JAZF1: variants seen among roughly 807,000 people sequenced by gnomAD.
JAZF1 encodes the protein juxtaposed with another zinc finger protein 1.
JAZF1 carries 8 observed loss-of-function variants against 26.4 expected under a neutral mutation model. The observed-to-expected ratio is 0.30, with a 90% CI of 0.18 to 0.55. JAZF1 has a LOEUF of 0.55. Ranked by LOEUF, JAZF1 falls within the 20% of genes least tolerant of loss-of-function variation. The pLI is 0.94. For missense variants in JAZF1, 199 were observed against 322.0 expected (o/e 0.62, Z 2.92); for synonymous variants, 126 against 122.3 (o/e 1.03, Z -0.20).
At chr7:27,846,449 T>C in intron 3 of JAZF1, 1 of 469,856 alleles carries the variant, frequency 2.1e-6, no homozygotes, top group East Asian at 7.0e-5. Flanking sequence ...GGTGCATTCA[T>C]CCACCGATGG....
chr7:27,841,448 G>T (rs2128331500), intron 3 of JAZF1: 1 of 152,584 alleles, frequency 6.6e-6, no homozygotes, highest in East Asian at 1.9e-4. Context: ...ACGCTAGGGA[G>T]CAAGAGGCAT....
intron 2 of JAZF1, among the ~76,000 whole-genome samples, chr7:27,916,361 C>T (rs1416050122): frequency 3.3e-5 from 5 of 151,862 alleles, no homozygotes; most frequent in Admixed American, 2.0e-4. Context: ...TACTAAGTTT[C>T]TTTGAAACCA....
At chr7:28,064,598 T>C (rs975460660) in intron 1 of JAZF1, among the ~76,000 whole-genome samples, 20 of 152,214 alleles carry the variant, frequency 1.3e-4, no homozygotes, top group African/African-American at 4.8e-4. Flanking sequence ...AACACTCAAG[T>C]AGTCAAACAG....
intron 2 of JAZF1, among the ~76,000 whole-genome samples, chr7:27,903,248 G>A (rs6963325): frequency 0.032 from 4,878 of 151,996 alleles, 272 homozygotes; most frequent in African/African-American, 0.11. Context: ...TCACTCTGTC[G>A]CCCAGGCTGG....
chr7:28,109,825 G>T (rs933911962), intron 1 of JAZF1, among the ~76,000 whole-genome samples: 2 of 152,146 alleles, frequency 1.3e-5, no homozygotes, highest in Non-Finnish European at 2.9e-5. Context: ...TCTCCCGAAG[G>T]CCAAACAGGG....
chr7:28,158,752 A>G (rs145256037), intron 1 of JAZF1, among the ~76,000 whole-genome samples: 1 of 152,206 alleles, frequency 6.6e-6, no homozygotes, highest in African/African-American at 2.4e-5. Flanking sequence ...TACCCAAATA[A>G]CTTCTGACTG....
At chr7:28,097,120 A>AC in intron 1 of JAZF1, among the ~76,000 whole-genome samples, 1 of 151,172 alleles carries the variant, frequency 6.6e-6, no homozygotes, top group East Asian at 1.9e-4. Flanking sequence ...ATCACCCCCC[A>AC]CCCCCACTTT....
chr7:27,997,211 C>A (rs1016352588), intron 1 of JAZF1, among the ~76,000 whole-genome samples: 2 of 151,914 alleles, frequency 1.3e-5, no homozygotes, highest in Admixed American at 6.6e-5. Context: ...TCAGGTATGG[C>A]AAAAGGCAAG....
intron 3 of JAZF1, among the ~76,000 whole-genome samples, chr7:27,880,376 T>C (rs982930892): frequency 3.9e-5 from 6 of 152,358 alleles, no homozygotes; most frequent in African/African-American, 1.2e-4. Context: ...GGCTCATGCC[T>C]GTAATCCCAG....
intron 3 of JAZF1, among the ~76,000 whole-genome samples, chr7:27,847,181 G>C (rs1051650798): frequency 3.4e-5 from 5 of 149,108 alleles, no homozygotes; most frequent in African/African-American, 1.2e-4. Context: ...GTAGAGACGG[G>C]GTTTCTCCAT....
At chr7:28,025,948 T>C (rs531797168) in intron 1 of JAZF1, among the ~76,000 whole-genome samples, 159 of 152,356 alleles carry the variant, frequency 1.0e-3, no homozygotes, top group African/African-American at 3.6e-3. Flanking sequence ...CAATTAATTA[T>C]AAGTAGAGGA....
intron 3 of JAZF1, among the ~76,000 whole-genome samples, chr7:27,850,820 T>TC (rs1369762872): frequency 6.6e-6 from 1 of 152,114 alleles, no homozygotes; most frequent in African/African-American, 2.4e-5. Context: ...ACCATTTTTT[T>TC]TTTTTTTTTA....
intron 1 of JAZF1, among the ~76,000 whole-genome samples, chr7:28,179,740 C>T (rs1783606885): frequency 6.8e-6 from 1 of 148,084 alleles, no homozygotes; most frequent in African/African-American, 2.4e-5. Flanking sequence ...CGGCCCCGCC[C>T]GGGCCCCTCG....
chr7:27,970,033 G>A (rs1785348747), intron 2 of JAZF1, among the ~76,000 whole-genome samples: 1 of 152,092 alleles, frequency 6.6e-6, no homozygotes, highest in African/African-American at 2.4e-5. Context: ...AAAAATAGTG[G>A]TAAGAGCAAT....
intron 1 of JAZF1, among the ~76,000 whole-genome samples, chr7:28,032,807 C>T (rs752145818): frequency 6.6e-6 from 1 of 152,100 alleles, no homozygotes; most frequent in Non-Finnish European, 1.5e-5. Flanking sequence ...GTCATTACCA[C>T]GTAAGGAAGT....
chr7:28,122,491 C>G (rs896813115), intron 1 of JAZF1, among the ~76,000 whole-genome samples: 1 of 152,030 alleles, frequency 6.6e-6, no homozygotes, highest in African/African-American at 2.4e-5. Flanking sequence ...CTGGCTTGAG[C>G]TGAAATTGGT....
chr7:27,857,133 G>A (rs373987096), intron 3 of JAZF1, among the ~76,000 whole-genome samples: 346 of 152,338 alleles, frequency 2.3e-3, no homozygotes, highest in Non-Finnish European at 4.0e-3. Flanking sequence ...GGCTTGGGCC[G>A]CGCAGGAGCC....
At chr7:28,023,752 A>G (rs2128373345) in intron 1 of JAZF1, among the ~76,000 whole-genome samples, 1 of 152,342 alleles carries the variant, frequency 6.6e-6, no homozygotes, top group East Asian at 1.9e-4. Flanking sequence ...TGGAGTGGAC[A>G]GTTTTAGTAA....
intron 1 of JAZF1, among the ~76,000 whole-genome samples, chr7:28,061,835 T>C (rs2128382772): frequency 6.6e-6 from 1 of 152,388 alleles, no homozygotes; most frequent in Middle Eastern, 3.4e-3. Context: ...GATTTTAATA[T>C]GTGAACATTT....
Sources: gnomAD v4.1 joint callset for allele counts (sites outside exome capture counted in the v4.1 genomes callset) on GRCh38, gnomAD v4.1.1 for gene constraint, MANE v1.5 for transcripts, NCBI Gene and HGNC (gene_info 2026-07-23, HGNC 2026-07-21) for gene names.